The following RORA variants were observed in gnomAD, a reference collection of about 807,000 sequenced individuals.
RORA encodes the protein RAR related orphan receptor A, also known as nuclear receptor ROR-alpha.
Under a neutral mutation model 69.5 loss-of-function variants are expected in RORA, and 7 were observed. That is an observed-to-expected ratio of 0.10 (90% CI 0.06 to 0.19). The LOEUF is 0.19. Ranked by LOEUF, RORA falls within the 10% of genes least tolerant of loss-of-function variation. RORA has a pLI of 1.00. For missense variants in RORA, 457 were observed against 663.0 expected, an observed-to-expected ratio of 0.69 and a Z score of 3.41; for synonymous variants, 261 against 240.8, an observed-to-expected ratio of 1.08 and a Z score of -0.78.
At chr15:61,126,760 C>T (rs1248299739) in intron 1 of RORA, among the ~76,000 whole-genome samples, 1 of 152,156 alleles carries the variant, frequency 6.6e-6, no homozygotes, top group African/African-American at 2.4e-5. Flanking sequence ...AAGTAACTTA[C>T]ACAGGACCTC....
intron 1 of RORA, among the ~76,000 whole-genome samples, chr15:60,741,449 GA>G (rs925397476): frequency 3.3e-5 from 5 of 152,206 alleles, no homozygotes; most frequent in African/African-American, 9.7e-5. Flanking sequence ...AAGATCAGGG[GA>G]AAGTGAGATG....
intron 1 of RORA, among the ~76,000 whole-genome samples, chr15:60,707,450 G>A (rs1001348094): frequency 5.3e-5 from 8 of 151,486 alleles, no homozygotes; most frequent in Admixed American, 3.3e-4. Flanking sequence ...TGCAAGCTCC[G>A]CCTCCCGGGT....
At chr15:60,937,085 T>C (rs1301644208) in intron 1 of RORA, among the ~76,000 whole-genome samples, 1 of 152,186 alleles carries the variant, frequency 6.6e-6, no homozygotes, top group African/African-American at 2.4e-5. Context: ...ATCCTCACAA[T>C]TTTATGAGGA....
chr15:60,503,706 A>G, intron 6 of RORA, 39 bp from the exon 7 acceptor site: 1 of 1,608,622 alleles, frequency 6.2e-7, no homozygotes, highest in Non-Finnish European at 8.5e-7. Flanking sequence ...CTCCAGGAAG[A>G]TGTTAGCTTT....
chr15:61,174,510 G>A (rs371237103), intron 1 of RORA, among the ~76,000 whole-genome samples: 1 of 152,214 alleles, frequency 6.6e-6, no homozygotes, highest in Non-Finnish European at 1.5e-5. Flanking sequence ...CAAAAGAGGG[G>A]CGGGAAATGT....
chr15:60,985,084 A>G (rs1176575279), intron 1 of RORA, among the ~76,000 whole-genome samples: 1 of 152,190 alleles, frequency 6.6e-6, no homozygotes, highest in Non-Finnish European at 1.5e-5. Context: ...GTTACAAATT[A>G]TAGGTGAAGA....
intron 1 of RORA, among the ~76,000 whole-genome samples, chr15:60,891,458 T>C (rs2073811998): frequency 1.3e-5 from 2 of 152,180 alleles, no homozygotes; most frequent in Non-Finnish European, 2.9e-5. Flanking sequence ...GCTCAGCACC[T>C]GGTACATCAC....
At chr15:60,805,878 T>C (rs2072653383) in intron 1 of RORA, among the ~76,000 whole-genome samples, 1 of 152,230 alleles carries the variant, frequency 6.6e-6, no homozygotes, top group Non-Finnish European at 1.5e-5. Context: ...TGGTATCTTT[T>C]CCTTTACACA....
intron 2 of RORA, among the ~76,000 whole-genome samples, chr15:60,614,134 TAG>T (rs1301111675): frequency 6.6e-6 from 1 of 151,992 alleles, no homozygotes; most frequent in Non-Finnish European, 1.5e-5. Flanking sequence ...AAGTGAAAAA[TAG>T]AGAATTGTGT....
At chr15:60,497,887 T>C (rs1206863487) in intron 10 of RORA, among the ~76,000 whole-genome samples, 1 of 151,798 alleles carries the variant, frequency 6.6e-6, no homozygotes, top group African/African-American at 2.4e-5. Flanking sequence ...GGTGAAACCC[T>C]GTCTCTACCT....
intron 1 of RORA, among the ~76,000 whole-genome samples, chr15:60,991,171 G>C (rs535675602): frequency 1.8e-4 from 28 of 152,308 alleles, no homozygotes; most frequent in African/African-American, 6.7e-4. Context: ...CTTCTTCTCA[G>C]AACCAGGTGG....
intron 2 of RORA, among the ~76,000 whole-genome samples, chr15:60,588,706 A>G (rs1370330134): frequency 6.6e-6 from 1 of 152,236 alleles, no homozygotes; most frequent in Non-Finnish European, 1.5e-5. Flanking sequence ...TACATATTAA[A>G]GAGCTAAGGT....
At chr15:60,719,617 A>G (rs945857614) in intron 1 of RORA, among the ~76,000 whole-genome samples, 2 of 152,208 alleles carry the variant, frequency 1.3e-5, no homozygotes, top group South Asian at 2.1e-4. Flanking sequence ...AGCTGTCATA[A>G]ACATCTTAAT....
rs1484311007 is a variant in RORA, at chr15:60,769,345, A to C, written c.167-90659T>G. On this transcript the variant is annotated intron_variant, in intron 1 of 10. Transcript: ENST00000335670. ...TCTTTTTGTCTCGTCTTTATTCACCAGGGTTAGGTGCTCTTACATGGTAGG... is the reference window on the plus strand; with the variant it reads ...TCTTTTTGTCTCGTCTTTATTCACCCGGGTTAGGTGCTCTTACATGGTAGG... Among the ~76,000 whole-genome samples the C allele has an allele frequency of 5.3e-5, 8 of 152,310 alleles. No homozygotes were observed. In the East Asian group the frequency reaches 1.5e-3, roughly 29 times the overall value.
Position 60,493,674 on chromosome 15 carries a change from C to A in RORA, c.*3781G>T, listed in dbSNP as rs2065093665. The A allele has an allele frequency of 6.6e-6, 1 of 150,892 alleles. No homozygotes were observed. The allele number at this position is 150,892 out of a possible 1,614,324, so 9.3% of individuals were successfully genotyped here. A position where few individuals can be genotyped will look rare whatever the true frequency, so the allele number is the denominator to read the frequency against. ...TTGTATTTTTTTTTTTAGAAAATTA[C>A]ATTACTTTCTTTCTTTGTTTCACAT... On this transcript the variant is annotated 3_prime_UTR_variant, in exon 11 of 11. Coordinates refer to ENST00000335670, the MANE Select transcript of RORA (RefSeq NM_134261.3).
At chr15:60,956,295 A>T (rs1402331886) in intron 1 of RORA, among the ~76,000 whole-genome samples, 1 of 152,224 alleles carries the variant, frequency 6.6e-6, no homozygotes, top group African/African-American at 2.4e-5. Context: ...AGTTTACAAA[A>T]CATATTCTTC....
rs1454457190 is a variant in RORA, at chr15:61,147,428, C to T, written c.166+81625G>A. ...CCTCCAGGAAGAGAGAGGTGGGTAA[C>T]CCAACAGGTGCAATAGGACTCTGAA... is the stretch of plus-strand genomic sequence containing the variant. On this transcript the variant is annotated intron_variant, in intron 1 of 10. Coordinates refer to ENST00000335670, the MANE Select transcript of RORA (RefSeq NM_134261.3). The surrounding 1 kb of genome is among the most constrained non-coding windows in gnomAD (Gnocchi z 4.1). 1.3e-5 allele frequency among the ~76,000 whole-genome samples: 2 copies of T among 152,134 alleles called. No homozygotes were observed. The highest frequency in any genetic ancestry group is 2.1e-4 in the South Asian group (1 of 4,828).
rs1253432661 is a variant in RORA at position 61,052,106 on chromosome 15, C to A, written c.166+176947G>T. 2.6e-5 allele frequency among the ~76,000 whole-genome samples: 4 copies of A among 152,210 alleles called. 1 individual carries two copies. Among genetic ancestry groups the A allele is most frequent in the Non-Finnish European group, 5.9e-5 (4 of 68,044 alleles). ...TGCCTGGTGAGGATCTGTCCTACAT[C>A]CCAGAGTGCAAGAGTTAAAGGTGCT... On this transcript the variant is annotated intron_variant, in intron 1 of 10. Transcript: ENST00000335670.
chr15:60,958,993 C>T (rs1047633046), intron 1 of RORA, among the ~76,000 whole-genome samples: 6 of 152,158 alleles, frequency 3.9e-5, no homozygotes, highest in South Asian at 2.1e-4. Flanking sequence ...AGCCAGACAT[C>T]GAAACTCTTC....
Sources: allele counts gnomAD v4.1 joint callset (sites outside exome capture counted in the v4.1 genomes callset), GRCh38; gene constraint gnomAD v4.1.1; non-coding constraint Gnocchi (gnomAD v3.1); transcripts MANE v1.5; gene names NCBI Gene and HGNC (gene_info 2026-07-23, HGNC 2026-07-21).